Variants in MAP3K5 observed in about 807,000 individuals in gnomAD.
MAP3K5 encodes the protein mitogen-activated protein kinase kinase kinase 5, also known as ASK-1.
In MAP3K5, 56 loss-of-function variants were observed where a neutral mutation model predicts 158.7. That is an observed-to-expected ratio of 0.35 (90% CI 0.28 to 0.44). The LOEUF is 0.44. MAP3K5 is among the 20% of genes least tolerant of loss of function. MAP3K5 has a pLI of 1.00. For missense variants in MAP3K5, 1,294 were observed against 1,674.8 expected, an observed-to-expected ratio of 0.77 and a Z score of 3.97; for synonymous variants, 579 against 601.7, an observed-to-expected ratio of 0.96 and a Z score of 0.55.
intron 21 of MAP3K5, among the ~76,000 whole-genome samples, chr6:136,594,458 G>A (rs1775534399): frequency 6.6e-6 from 1 of 152,200 alleles, no homozygotes. Context: ...GAAAAAAATA[G>A]CTGCTTGGGA....
chr6:136,637,429 A>G, intron 13 of MAP3K5, 23 bp from the exon 14 acceptor site: 1 of 1,316,570 alleles, frequency 7.6e-7, no homozygotes. Context: ...TTAGCACGTG[A>G]GCATTCATAA....
chr6:136,692,038 T>A (rs944202174), intron 7 of MAP3K5, among the ~76,000 whole-genome samples: 2 of 152,108 alleles, frequency 1.3e-5, no homozygotes, highest in African/African-American at 4.8e-5. Flanking sequence ...TCTTCACCAC[T>A]TTAGTAGTTG....
intron 19 of MAP3K5, among the ~76,000 whole-genome samples, chr6:136,604,965 A>T (rs946512212): frequency 2.0e-5 from 3 of 152,314 alleles, no homozygotes; most frequent in Non-Finnish European, 4.4e-5. Context: ...CGTTGTTAAA[A>T]GGTGGTCAAT....
Position 136,650,102 on chromosome 6 carries a change from C to T in MAP3K5, c.1788+882G>A, listed in dbSNP as rs1247386530. ...AAAGCAAGCACCATGGAGGCAGGAA[C>T]TTCACTCATTTTGGACACAGCTGTT... On this transcript the variant is annotated intron_variant, in intron 11 of 29. Transcript: ENST00000359015. Among the ~76,000 whole-genome samples the T allele has an allele frequency of 5.9e-5, 9 of 152,290 alleles. No individual in the cohort carries two copies. In the East Asian group the frequency reaches 1.4e-3, roughly 23 times the overall value.
At chr6:136,585,508 T>TTCTTTTCTTTTC (rs1335675307) in intron 23 of MAP3K5, among the ~76,000 whole-genome samples, 1 of 144,686 alleles carries the variant, frequency 6.9e-6, no homozygotes, top group Admixed American at 7.2e-5. Context: ...TTTATTTATT[T>TTCTTTTCTTTTC]ATTTATTTTT....
chr6:136,749,521 C>A (rs1299520520), intron 1 of MAP3K5, among the ~76,000 whole-genome samples: 4 of 152,038 alleles, frequency 2.6e-5, no homozygotes, highest in Non-Finnish European at 4.4e-5. Context: ...CACCCACGGC[C>A]AGATAACCTC....
chr6:136,583,350 G>GT (rs1373550446), intron 24 of MAP3K5, among the ~76,000 whole-genome samples: 1 of 152,146 alleles, frequency 6.6e-6, no homozygotes, highest in African/African-American at 2.4e-5. Flanking sequence ...GGTTTTATGT[G>GT]TTTTTTAATT....
chr6:136,758,783 A>C (rs1346481755), intron 1 of MAP3K5, among the ~76,000 whole-genome samples: 1 of 152,260 alleles, frequency 6.6e-6, no homozygotes, highest in Non-Finnish European at 1.5e-5. Context: ...TAGTCTATCC[A>C]AGAAAATAAA....
At chr6:136,700,681 T>C (rs534868315) in intron 3 of MAP3K5, among the ~76,000 whole-genome samples, 2 of 152,218 alleles carry the variant, frequency 1.3e-5, no homozygotes, top group African/African-American at 4.8e-5. Context: ...CAACACCTAA[T>C]GTGAAAATGT....
chr6:136,731,486 C>A (rs1327141553), intron 1 of MAP3K5, among the ~76,000 whole-genome samples: 1 of 152,148 alleles, frequency 6.6e-6, no homozygotes, highest in East Asian at 1.9e-4. Flanking sequence ...GGTGTCAAAT[C>A]GCCCTCTGCC....
intron 14 of MAP3K5, among the ~76,000 whole-genome samples, chr6:136,624,186 T>C (rs927190541): frequency 6.6e-6 from 1 of 151,920 alleles, no homozygotes; most frequent in Non-Finnish European, 1.5e-5. Context: ...AGAGCAAGAC[T>C]CCATCTCAAA....
At chr6:136,571,025 A>C (rs1050147259) in intron 25 of MAP3K5, among the ~76,000 whole-genome samples, 4 of 152,202 alleles carry the variant, frequency 2.6e-5, no homozygotes, top group African/African-American at 9.7e-5. Context: ...GAGAACATCT[A>C]TCCCCATTTT....
chr6:136,625,103 G>A (rs1776973516), intron 14 of MAP3K5, among the ~76,000 whole-genome samples: 1 of 152,160 alleles, frequency 6.6e-6, no homozygotes, highest in Non-Finnish European at 1.5e-5. Flanking sequence ...ATGAAGGCAA[G>A]ATTTTCAGTT....
chr6:136,646,281 A>G (rs1488473841), intron 11 of MAP3K5, among the ~76,000 whole-genome samples: 1 of 152,214 alleles, frequency 6.6e-6, no homozygotes, highest in East Asian at 1.9e-4. Context: ...GAAAATGGAC[A>G]GTACATAACT....
intron 12 of MAP3K5, among the ~76,000 whole-genome samples, chr6:136,639,948 G>A (rs2114286693): frequency 6.6e-6 from 1 of 152,338 alleles, no homozygotes; most frequent in East Asian, 1.9e-4. Flanking sequence ...TATTCTGTGT[G>A]CTGGGAGGAA....
chr6:136,712,775 T>TTTCCCCCA (rs1279386082), intron 2 of MAP3K5, among the ~76,000 whole-genome samples: 1 of 152,102 alleles, frequency 6.6e-6, no homozygotes, highest in Non-Finnish European at 1.5e-5. Flanking sequence ...ACGGGGGTGG[T>TTTCCCCCA]TTCCCCCATA....
In MAP3K5 at chr6:136,639,646, C is replaced by A. The variant is rs1485809954; in HGVS notation, c.1839-8G>T. 2.7e-6 allele frequency: 4 copies of A among 1,454,732 alleles called. No individual in the cohort carries two copies. Among genetic ancestry groups the A allele is most frequent in the South Asian group, 2.4e-5 (2 of 82,260 alleles). The allele number at this position is 1,454,732 out of a possible 1,614,324, so 90.1% of individuals were successfully genotyped here. ...TCTTCAAATTTAGAAATACTGAAAC[C>A]AACAAACAAAAAGGCATTATTCAGA... is the stretch of plus-strand genomic sequence containing the variant. On this transcript the variant is annotated splice_polypyrimidine_tract_variant and splice_region_variant and intron_variant, in intron 12 of 29. Coordinates refer to ENST00000359015, the MANE Select transcript of MAP3K5 (RefSeq NM_005923.4).
chr6:136,564,541 G>C (rs1774001954), intron 26 of MAP3K5, among the ~76,000 whole-genome samples: 1 of 152,136 alleles, frequency 6.6e-6, no homozygotes, highest in African/African-American at 2.4e-5. Context: ...TGTTTAAGTT[G>C]GCAGTTTTTT....
At chr6:136,581,294 T>C (rs1346954976) in intron 24 of MAP3K5, among the ~76,000 whole-genome samples, 1 of 152,230 alleles carries the variant, frequency 6.6e-6, no homozygotes, top group Non-Finnish European at 1.5e-5. Flanking sequence ...GTGTCAGGAT[T>C]TCTTTCCTTT....
Sources: allele counts gnomAD v4.1 joint callset (sites outside exome capture counted in the v4.1 genomes callset), GRCh38; gene constraint gnomAD v4.1.1; transcripts MANE v1.5; gene names NCBI Gene and HGNC (gene_info 2026-07-23, HGNC 2026-07-21).